The following SYT1 variants were observed in gnomAD, a reference collection of about 807,000 sequenced individuals.
SYT1 encodes synaptotagmin 1.
SYT1 carries 8 observed loss-of-function variants against 44.8 expected under a neutral mutation model. That is an observed-to-expected ratio of 0.18 (90% CI 0.10 to 0.32). The LOEUF (loss-of-function observed/expected upper bound fraction) is 0.32. Among genes scored for constraint, SYT1 ranks in the 10% least tolerant of loss-of-function variants. The pLI, the probability that SYT1 is intolerant of heterozygous loss-of-function variation, is 1.00. For missense variants in SYT1, 286 were observed against 509.3 expected, an observed-to-expected ratio of 0.56 and a Z score of 4.22; for synonymous variants, 154 against 188.8, an observed-to-expected ratio of 0.82 and a Z score of 1.51.
At chr12:78,911,702 G>A (rs990898614) in intron 1 of SYT1, among the ~76,000 whole-genome samples, 6 of 151,960 alleles carry the variant, frequency 3.9e-5, no homozygotes, top group Non-Finnish European at 8.8e-5. Context: ...CAATGGTGTG[G>A]GGTGAGGAGA....
intron 2 of SYT1, among the ~76,000 whole-genome samples, chr12:79,039,391 A>C (rs996477796): frequency 6.6e-6 from 1 of 151,992 alleles, no homozygotes; most frequent in Non-Finnish European, 1.5e-5. Context: ...GTTAATACCA[A>C]TTACATTACT....
chr12:78,923,059 A>G (rs1877097466), intron 1 of SYT1, among the ~76,000 whole-genome samples: 1 of 151,962 alleles, frequency 6.6e-6, no homozygotes, highest in Non-Finnish European at 1.5e-5. Flanking sequence ...GGTTGAATGT[A>G]AGGAGCACCC....
intron 1 of SYT1, among the ~76,000 whole-genome samples, chr12:78,974,372 G>A (rs905645193): frequency 7.2e-5 from 11 of 151,916 alleles, no homozygotes; most frequent in African/African-American, 2.7e-4. Context: ...TATAAATTAA[G>A]AAAACAGATC....
chr12:79,260,050 G>A (rs1877745158), intron 4 of SYT1, among the ~76,000 whole-genome samples: 1 of 152,152 alleles, frequency 6.6e-6, no homozygotes, highest in South Asian at 2.1e-4. Flanking sequence ...ATCAATTTCA[G>A]TCAGGTTCCC....
chr12:79,017,384 C>T (rs1183165543), intron 2 of SYT1, among the ~76,000 whole-genome samples: 1 of 152,000 alleles, frequency 6.6e-6, no homozygotes, highest in Non-Finnish European at 1.5e-5. Flanking sequence ...CAAATAACCA[C>T]AATGTAATGG....
chr12:79,272,921 C>CA lies in SYT1; in HGVS notation c.167-12859dup, dbSNP rs1378277474. Among the ~76,000 whole-genome samples, 6 of 151,598 alleles carry CA rather than the reference C, an allele frequency of 4.0e-5. No homozygotes were observed. The East Asian group carries it at 9.7e-4, about 24-fold the overall frequency. ...ACAGACAGTGTTGTTTGGGTTTGAC[C>CA]AAAAAAAGCTATTCATTATCTTTTG... On this transcript the variant is annotated intron_variant, in intron 4 of 10. Transcript: ENST00000261205.
In SYT1 at chr12:78,931,236, AAAG is replaced by A. The variant is rs1565723453; in HGVS notation, c.-216-46559_-216-46557del. ...GAAAGAAAGAAAGAAAGAAAGAAAG[AAAG>A]AAGGAAGGAAGGAAGGAAGGAAGGA... On this transcript the variant is annotated intron_variant, in intron 1 of 10. Transcript: ENST00000261205. Among the ~76,000 whole-genome samples the A allele has an allele frequency of 5.7e-3, 337 of 58,656 alleles. 20 individuals are homozygous for A. The highest frequency in any genetic ancestry group is 0.024 in the African/African-American group (238 of 9,878). The allele number at this position is 58,656 out of a possible 152,430, so 38.5% of individuals were successfully genotyped here.
intron 3 of SYT1, among the ~76,000 whole-genome samples, chr12:79,201,143 C>A (rs913041847): frequency 5.3e-5 from 8 of 152,056 alleles, no homozygotes; most frequent in African/African-American, 2.4e-5. Context: ...TAGTGGAACA[C>A]CCATGCTAGG....
rs138904220 is a variant in SYT1 at position 79,261,718 on chromosome 12, T to G, written c.167-24069T>G. On this transcript the variant is annotated intron_variant, in intron 4 of 10. Coordinates refer to ENST00000261205, the MANE Select transcript of SYT1 (RefSeq NM_005639.3). ...TTAAATCTCATCTGTGTGCCAAGTA[T>G]TCATAGGTATCACCTCATGTAATTC... 8.0e-3 allele frequency among the ~76,000 whole-genome samples: 1,214 copies of G among 152,312 alleles called. 11 individuals are homozygous for G. The highest frequency in any genetic ancestry group is 0.026 in the African/African-American group (1,088 of 41,574).
intron 3 of SYT1, chr12:79,102,876 T>C (rs555361473): frequency 6.6e-6 from 1 of 151,794 alleles, no homozygotes; most frequent in Non-Finnish European, 1.5e-5. Context: ...TTTCATAAAA[T>C]GGACCCAACT....
intron 9 of SYT1, among the ~76,000 whole-genome samples, chr12:79,407,791 T>C (rs1300926968): frequency 2.0e-5 from 3 of 152,090 alleles, no homozygotes; most frequent in Non-Finnish European, 4.4e-5. Flanking sequence ...AAGAACATTA[T>C]AGTTTTAGAG....
chr12:79,109,328 A>G (rs1878888755), intron 3 of SYT1, among the ~76,000 whole-genome samples: 1 of 152,182 alleles, frequency 6.6e-6, no homozygotes. Flanking sequence ...AGCCCAGTTA[A>G]TCATCAAACC....
chr12:79,141,932 T>C (rs1001996324), intron 3 of SYT1, among the ~76,000 whole-genome samples: 2 of 152,244 alleles, frequency 1.3e-5, no homozygotes, highest in African/African-American at 4.8e-5. Flanking sequence ...GCTGCCCAAG[T>C]GCATCAGAAC....
intron 9 of SYT1, among the ~76,000 whole-genome samples, chr12:79,436,673 G>T (rs567324222): frequency 5.3e-5 from 8 of 152,272 alleles, no homozygotes; most frequent in African/African-American, 7.2e-5. Flanking sequence ...CATAATTTGA[G>T]ATTAGAACTG....
intron 2 of SYT1, among the ~76,000 whole-genome samples, chr12:78,979,522 A>C (rs556278981): frequency 2.2e-4 from 34 of 152,242 alleles, no homozygotes; most frequent in Non-Finnish European, 4.4e-4. Flanking sequence ...ACAAAATGAG[A>C]GCAAGGAAAC....
intron 1 of SYT1, among the ~76,000 whole-genome samples, chr12:78,937,662 C>G (rs541551956): frequency 3.3e-5 from 5 of 151,972 alleles, no homozygotes; most frequent in Non-Finnish European, 7.4e-5. Context: ...AAAAGAGAAA[C>G]GGTGTTTATG....
intron 2 of SYT1, among the ~76,000 whole-genome samples, chr12:79,018,721 T>C (rs566298331): frequency 2.2e-4 from 33 of 152,154 alleles, no homozygotes; most frequent in South Asian, 4.2e-4. Flanking sequence ...TTGCTCCTTA[T>C]GGGTATCATT....
chr12:79,347,251 G>T lies in SYT1; in HGVS notation c.811-6251G>T, dbSNP rs73354711. 9.1e-3 allele frequency among the ~76,000 whole-genome samples: 1,379 copies of T among 152,056 alleles called. 19 individuals are homozygous for T. The highest frequency in any genetic ancestry group is 0.031 in the African/African-American group (1,298 of 41,474). ...CATGACCAATGCATTTATTAACTGG[G>T]CTGTCAGGAGTGTTGATGGCTTATA... On this transcript the variant is annotated intron_variant, in intron 8 of 10. Transcript: ENST00000261205.
chr12:79,298,373 A>G (rs1008772176), intron 7 of SYT1, among the ~76,000 whole-genome samples: 1 of 152,142 alleles, frequency 6.6e-6, no homozygotes, highest in Non-Finnish European at 1.5e-5. Flanking sequence ...ACAGAAAAGA[A>G]AAACTCTTTG....
Sources: allele counts gnomAD v4.1 joint callset (sites outside exome capture counted in the v4.1 genomes callset), GRCh38; gene constraint gnomAD v4.1.1; transcripts MANE v1.5; gene names NCBI Gene and HGNC (gene_info 2026-07-23, HGNC 2026-07-21).